Variants in SCRG1 observed in about 807,000 individuals in gnomAD.
SCRG1 encodes the protein stimulator of chondrogenesis 1.
SCRG1 carries 3 observed loss-of-function variants against 7.7 expected under a neutral mutation model. The observed-to-expected ratio is 0.39, with a 90% CI of 0.18 to 1.01. SCRG1 has a LOEUF of 1.01. SCRG1 is among the 50% of genes least tolerant of loss of function. The pLI, the probability that SCRG1 is intolerant of heterozygous loss-of-function variation, is 0.36. For missense variants in SCRG1, 110 were observed against 117.2 expected, an observed-to-expected ratio of 0.94 and a Z score of 0.28; for synonymous variants, 46 against 41.2, an observed-to-expected ratio of 1.12 and a Z score of -0.44.
chr4:173,489,613 A>C, the SCRG1 span, among the ~76,000 whole-genome samples: 1 of 152,174 alleles, frequency 6.6e-6, no homozygotes, highest in Admixed American at 6.5e-5. Flanking sequence ...CTTTGGTACA[A>C]TTCAACCAGG....
In SCRG1 at chr4:173,391,324, T is replaced by C; in HGVS notation, c.91A>G (p.Lys31Glu). ...MPANRLSCYR[K>E]ILKDHNCHNL... is the part of the protein sequence containing the mutation. ...TGACAGTTGTGATCTTTTAGTATCT[T>C]TCTGTAGCAAGAGAGGCGATTTGCA... is the stretch of plus-strand genomic sequence containing the variant. The change falls in exon 2 of 3, where the codon AAG becomes GAG. Residue 31 changes from lysine to glutamate, a missense_variant. Transcript: ENST00000296506. The C allele has an allele frequency of 6.2e-7, 1 of 1,614,216 alleles. No homozygotes were observed. Among genetic ancestry groups the C allele is most frequent in the Non-Finnish European group, 8.5e-7 (1 of 1,180,030 alleles).
upstream of SCRG1, among the ~76,000 whole-genome samples, chr4:173,403,432 T>C (rs761840495): frequency 2.0e-5 from 3 of 152,204 alleles, no homozygotes; most frequent in Non-Finnish European, 4.4e-5. Context: ...ACACAAGCTC[T>C]CTTTTCCCTG....
At chr4:173,496,270 T>C in the SCRG1 span, among the ~76,000 whole-genome samples, 57 of 151,518 alleles carry the variant, frequency 3.8e-4, no homozygotes, top group African/African-American at 1.4e-3. Flanking sequence ...GGAGAAATGA[T>C]GGAATGATGC....
the SCRG1 span, among the ~76,000 whole-genome samples, chr4:173,464,211 C>T: frequency 6.6e-6 from 1 of 152,092 alleles, no homozygotes; most frequent in Non-Finnish European, 1.5e-5. Context: ...TTATTTCAAC[C>T]AGCTCAATAT....
the SCRG1 span, among the ~76,000 whole-genome samples, chr4:173,436,038 A>C: frequency 6.6e-6 from 1 of 152,200 alleles, no homozygotes; most frequent in African/African-American, 2.4e-5. Context: ...TGATTTAACT[A>C]TATTAAAATT....
the SCRG1 span, among the ~76,000 whole-genome samples, chr4:173,459,791 A>G: frequency 6.6e-6 from 1 of 152,176 alleles, no homozygotes; most frequent in Non-Finnish European, 1.5e-5. Flanking sequence ...GTTAATGGGT[A>G]CGAAAGTACA....
the SCRG1 span, among the ~76,000 whole-genome samples, chr4:173,511,036 T>A: frequency 6.6e-6 from 1 of 152,170 alleles, no homozygotes; most frequent in African/African-American, 2.4e-5. The surrounding 1 kb of genome is among the most constrained non-coding windows in gnomAD (Gnocchi z 5.2). Flanking sequence ...GCACTATCTC[T>A]GCTCACTGCA....
chr4:173,466,597 T>C, the SCRG1 span, among the ~76,000 whole-genome samples: 53 of 152,108 alleles, frequency 3.5e-4, no homozygotes, highest in Non-Finnish European at 6.0e-4. Context: ...AATGGAAAAA[T>C]AATGTCAGGC....
the SCRG1 span, among the ~76,000 whole-genome samples, chr4:173,419,066 T>A: frequency 1.6e-3 from 249 of 152,356 alleles, 1 homozygote; most frequent in South Asian, 0.013. Flanking sequence ...GTGTTAGTAG[T>A]GGCTGAGGCT....
chr4:173,442,615 A>G, the SCRG1 span, among the ~76,000 whole-genome samples: 2 of 152,210 alleles, frequency 1.3e-5, no homozygotes, highest in Non-Finnish European at 2.9e-5. Flanking sequence ...CTGATGCTAT[A>G]ATAGAACACC....
At chr4:173,484,494 T>A in the SCRG1 span, among the ~76,000 whole-genome samples, 1 of 30,794 alleles carries the variant, frequency 3.2e-5, no homozygotes, top group Non-Finnish European at 6.7e-5. Context: ...TATATACATA[T>A]AATATATATT....
chr4:173,508,059 G>T, the SCRG1 span, among the ~76,000 whole-genome samples: 9 of 152,172 alleles, frequency 5.9e-5, no homozygotes, highest in African/African-American at 1.9e-4. This position sits in a 1 kb window ranked among gnomAD's most constrained non-coding sequence, Gnocchi z 4.4. Context: ...GCCCTGAGAA[G>T]AGAGGGAGGG....
chr4:173,467,366 G>A, the SCRG1 span, among the ~76,000 whole-genome samples: 1 of 152,122 alleles, frequency 6.6e-6, no homozygotes, highest in South Asian at 2.1e-4. Flanking sequence ...ATTAGCCAAT[G>A]CACTAGATTA....
the SCRG1 span, among the ~76,000 whole-genome samples, chr4:173,450,521 G>C: frequency 6.6e-6 from 1 of 152,154 alleles, no homozygotes; most frequent in Non-Finnish European, 1.5e-5. Flanking sequence ...GCAGCATTGG[G>C]ATCTCATGCT....
chr4:173,430,342 T>C, the SCRG1 span, among the ~76,000 whole-genome samples: 1 of 152,168 alleles, frequency 6.6e-6, no homozygotes, highest in Admixed American at 6.5e-5. Flanking sequence ...CACAAAATAA[T>C]GTAAAAAGCA....
At chr4:173,483,949 T>G in the SCRG1 span, among the ~76,000 whole-genome samples, 40 of 83,360 alleles carry the variant, frequency 4.8e-4, 1 homozygote, top group East Asian at 0.013. Flanking sequence ...ATAAATCATA[T>G]ATAATATATT....
At chr4:173,424,897 T>TAAAATAAAATAAAATAAAATAAAA in the SCRG1 span, among the ~76,000 whole-genome samples, 1 of 130,790 alleles carries the variant, frequency 7.6e-6, no homozygotes, top group South Asian at 2.7e-4. Flanking sequence ...AGACTCCATC[T>TAAAATAAAATAAAATAAAATAAAA]TAAAATAAAA....
chr4:173,494,187 C>T, the SCRG1 span, among the ~76,000 whole-genome samples: 1 of 152,200 alleles, frequency 6.6e-6, no homozygotes, highest in Non-Finnish European at 1.5e-5. Context: ...CACACCCAGG[C>T]GCGAGTGCCC....
At chr4:173,477,115 T>C in the SCRG1 span, among the ~76,000 whole-genome samples, 1 of 152,100 alleles carries the variant, frequency 6.6e-6, no homozygotes, top group Non-Finnish European at 1.5e-5. Flanking sequence ...AATCAGTAGA[T>C]AAAAGGTGGA....
Sources: allele counts gnomAD v4.1 joint callset (sites outside exome capture counted in the v4.1 genomes callset), GRCh38; gene constraint gnomAD v4.1.1; non-coding constraint Gnocchi (gnomAD v3.1); transcripts MANE v1.5; gene names NCBI Gene and HGNC (gene_info 2026-07-23, HGNC 2026-07-21).